Variants in TMPRSS15 observed in about 807,000 individuals in gnomAD.
TMPRSS15 encodes enteropeptidase.
TMPRSS15 carries 128 observed loss-of-function variants against 125.3 expected under a neutral mutation model. The observed-to-expected ratio is 1.02, with a 90% CI of 0.89 to 1.18. TMPRSS15 has a LOEUF of 1.18. Ranked by LOEUF, TMPRSS15 falls within the 50% of genes most tolerant of loss-of-function variation. TMPRSS15 has a pLI of 0.00. For missense variants in TMPRSS15, 1,283 were observed against 1,212.7 expected (o/e 1.06, Z -0.86); for synonymous variants, 446 against 423.2 (o/e 1.05, Z -0.66).
intron 16 of TMPRSS15, among the ~76,000 whole-genome samples, chr21:18,325,745 C>CA (rs1421126312): frequency 6.6e-6 from 1 of 151,532 alleles, no homozygotes; most frequent in African/African-American, 2.4e-5. Context: ...TATCAAGTTA[C>CA]AAAAAAATTC....
chr21:18,323,461 C>A (rs952939411), intron 16 of TMPRSS15, among the ~76,000 whole-genome samples: 3 of 152,068 alleles, frequency 2.0e-5, no homozygotes, highest in Non-Finnish European at 4.4e-5. Context: ...ATGAGAACAG[C>A]ACAGGAAAAA....
At position 18,321,413 on chromosome 21, in the gene TMPRSS15, C is replaced by T. The variant is rs528077913; in HGVS notation, c.1921+5019G>A. Among the ~76,000 whole-genome samples the T allele has an allele frequency of 1.8e-3, 221 of 123,114 alleles. 1 individual carries two copies. Among genetic ancestry groups the T allele is most frequent in the South Asian group, 5.2e-3 (21 of 4,004 alleles). 80.8% of individuals were successfully genotyped at this position (123,114 alleles called of 152,430 possible). On this transcript the variant is annotated intron_variant, in intron 16 of 24. Transcript: ENST00000284885. Reference sequence around the variant, plus strand: ...TGTCGCCCAGGCTGGAGTGCTGTGGCGCGATCTCGGCTCACCGCAAGCTCC... The same window carrying T: ...TGTCGCCCAGGCTGGAGTGCTGTGGTGCGATCTCGGCTCACCGCAAGCTCC...
At chr21:18,437,082 A>C (rs1424700840) in intron 1 of TMPRSS15, among the ~76,000 whole-genome samples, 2 of 149,126 alleles carry the variant, frequency 1.3e-5, no homozygotes, top group African/African-American at 4.9e-5. Flanking sequence ...CTATACTACA[A>C]GGCTACAGTA....
chr21:18,387,682 A>G (rs1048116107), intron 3 of TMPRSS15, among the ~76,000 whole-genome samples: 4 of 151,614 alleles, frequency 2.6e-5, no homozygotes, highest in African/African-American at 7.3e-5. Context: ...ACAAGTTAGT[A>G]AGTGGCAGAG....
chr21:18,419,906 T>C (rs1264271162), intron 1 of TMPRSS15, among the ~76,000 whole-genome samples: 1 of 152,172 alleles, frequency 6.6e-6, no homozygotes, highest in Admixed American at 6.5e-5. Context: ...TCTGTCAACA[T>C]GGGTTGCAAA....
intron 21 of TMPRSS15, among the ~76,000 whole-genome samples, chr21:18,286,943 A>C (rs2074771855): frequency 6.6e-6 from 1 of 152,166 alleles, no homozygotes; most frequent in African/African-American, 2.4e-5. Context: ...CCTTCAAAGA[A>C]ATTTGTGTAA....
chr21:18,292,182 T>A (rs1029445518), intron 21 of TMPRSS15, among the ~76,000 whole-genome samples: 1 of 152,226 alleles, frequency 6.6e-6, no homozygotes, highest in African/African-American at 2.4e-5. Context: ...AATGGAATAA[T>A]AAATTTTGTC....
At chr21:18,447,542 A>G (rs936294800) in intron 1 of TMPRSS15, among the ~76,000 whole-genome samples, 5 of 151,824 alleles carry the variant, frequency 3.3e-5, no homozygotes, top group Non-Finnish European at 7.4e-5. Context: ...CCCAAATTTC[A>G]TCTTGAACTG....
chr21:18,305,195 T>TTTTTG, intron 18 of TMPRSS15, among the ~76,000 whole-genome samples: 1 of 139,380 alleles, frequency 7.2e-6, no homozygotes, highest in Non-Finnish European at 1.5e-5. Flanking sequence ...TTTTTTTTTT[T>TTTTTG]TTTTTTTTTT....
chr21:18,431,616 C>T (rs1364905404), intron 1 of TMPRSS15, among the ~76,000 whole-genome samples: 1 of 151,712 alleles, frequency 6.6e-6, no homozygotes, highest in Non-Finnish European at 1.5e-5. Flanking sequence ...AACTTTTTTC[C>T]AAAGCATAGT....
At chr21:18,291,928 G>A (rs911450536) in intron 21 of TMPRSS15, among the ~76,000 whole-genome samples, 1 of 152,070 alleles carries the variant, frequency 6.6e-6, no homozygotes, top group Non-Finnish European at 1.5e-5. Flanking sequence ...GCCTAGGAGA[G>A]CCAAAGTAAC....
chr21:18,451,917 G>A (rs1360232233), intron 1 of TMPRSS15, among the ~76,000 whole-genome samples: 1 of 152,026 alleles, frequency 6.6e-6, no homozygotes, highest in African/African-American at 2.4e-5. Context: ...TTTTATGCAT[G>A]CATAATTTTA....
Position 18,277,448 on chromosome 21 carries a change from T to C in TMPRSS15, c.2764+1516A>G, listed in dbSNP as rs1412188543. 5.9e-5 allele frequency among the ~76,000 whole-genome samples: 9 copies of C among 152,332 alleles called. No homozygotes were observed. In the East Asian group the frequency reaches 1.7e-3, roughly 29 times the overall value. ...TTGAAGTCTGAAAAGAGAAAATATC[T>C]ATCTAGGAATCATTTTTACTGTTTA... On this transcript the variant is annotated intron_variant, in intron 23 of 24. Transcript: ENST00000284885.
intron 1 of TMPRSS15, among the ~76,000 whole-genome samples, chr21:18,456,598 G>A (rs567558281): frequency 1.3e-5 from 2 of 152,072 alleles, no homozygotes; most frequent in East Asian, 1.9e-4. Flanking sequence ...TCTAAAAATA[G>A]CACAAGGAAA....
At chr21:18,283,682 G>A (rs8132055) in intron 21 of TMPRSS15, among the ~76,000 whole-genome samples, 108,378 of 151,868 alleles carry the variant, frequency 0.71, 38,700 homozygotes, top group African/African-American at 0.76. Context: ...GTCTCCTCAG[G>A]TGTTTTATAC....
chr21:18,479,787 G>A (rs1978946775), intron 1 of TMPRSS15, among the ~76,000 whole-genome samples: 1 of 152,078 alleles, frequency 6.6e-6, no homozygotes, highest in Non-Finnish European at 1.5e-5. Context: ...TAAAATATTG[G>A]TGGGATGGTA....
chr21:18,344,636 G>A (rs773822285), intron 10 of TMPRSS15, among the ~76,000 whole-genome samples: 8 of 152,170 alleles, frequency 5.3e-5, no homozygotes, highest in Non-Finnish European at 7.4e-5. Flanking sequence ...ATGCTAATCC[G>A]TATAAAACTT....
intron 1 of TMPRSS15, among the ~76,000 whole-genome samples, chr21:18,456,717 G>T (rs115093203): frequency 0.04 from 6,020 of 152,010 alleles, 404 homozygotes; most frequent in African/African-American, 0.14. Context: ...TAATACATAC[G>T]TAGTGCTACT....
intron 1 of TMPRSS15, among the ~76,000 whole-genome samples, chr21:18,465,284 A>G (rs1229800095): frequency 2.0e-5 from 3 of 152,196 alleles, no homozygotes; most frequent in Admixed American, 6.6e-5. Flanking sequence ...GCTATTTATG[A>G]CAAACCCACA....
Sources: gnomAD v4.1 joint callset for allele counts (sites outside exome capture counted in the v4.1 genomes callset) on GRCh38, gnomAD v4.1.1 for gene constraint, MANE v1.5 for transcripts, NCBI Gene and HGNC (gene_info 2026-07-23, HGNC 2026-07-21) for gene names.